CELF2: variants seen among roughly 807,000 people sequenced by gnomAD.
CELF2 encodes CUGBP Elav-like family member 2, also known as CUG triplet repeat RNA-binding protein 2.
A neutral mutation model predicts 62.6 loss-of-function variants in CELF2; 8 were observed. That is an observed-to-expected ratio of 0.13 (90% confidence interval 0.07 to 0.23). The LOEUF (loss-of-function observed/expected upper bound fraction) is 0.23, where lower values mean the gene tolerates loss of function less well. Ranked by LOEUF, CELF2 falls within the 10% of genes least tolerant of loss-of-function variation. CELF2 has a pLI of 1.00. For synonymous variants in CELF2, 258 were observed against 250.0 expected (o/e 1.03, Z -0.30); for missense variants, 333 against 671.0 (o/e 0.50, Z 5.56).
intron 9 of CELF2, among the ~76,000 whole-genome samples, chr10:11,304,516 T>A (rs2094044062): frequency 6.6e-6 from 1 of 152,208 alleles, no homozygotes; most frequent in African/African-American, 2.4e-5. Context: ...AGGGCCTTCT[T>A]GCTGGTGGGG....
the CELF2 span, among the ~76,000 whole-genome samples, chr10:10,695,502 G>A: frequency 2.0e-5 from 3 of 150,802 alleles, no homozygotes; most frequent in South Asian, 2.1e-4. Flanking sequence ...TGCTCTTCTC[G>A]AGGAGTATCT....
At chr10:10,752,891 G>A in the CELF2 span, among the ~76,000 whole-genome samples, 1 of 150,954 alleles carries the variant, frequency 6.6e-6, no homozygotes, top group Non-Finnish European at 1.5e-5. Context: ...CTAATCCCTG[G>A]TTCAGGAGAA....
upstream of CELF2, among the ~76,000 whole-genome samples, chr10:10,797,163 T>C (rs747006105): frequency 6.6e-6 from 1 of 152,156 alleles, no homozygotes; most frequent in Non-Finnish European, 1.5e-5. Flanking sequence ...TGGGAGCATC[T>C]TCCCCCCAGG....
At chr10:11,250,764 A>C (rs138487668) in intron 4 of CELF2, among the ~76,000 whole-genome samples, 60 of 152,312 alleles carry the variant, frequency 3.9e-4, no homozygotes, top group African/African-American at 1.3e-3. Context: ...GTCTCACCTA[A>C]GTTGCCTTCC....
chr10:11,033,000 C>T (rs2060365343), intron 1 of CELF2, among the ~76,000 whole-genome samples: 1 of 152,188 alleles, frequency 6.6e-6, no homozygotes, highest in African/African-American at 2.4e-5. Context: ...TAGGTATTAA[C>T]ATTCATGGAG....
Position 11,290,050 on chromosome 10 carries a change from G to T in CELF2, c.976+1498G>T, listed in dbSNP as rs955761229. Among the ~76,000 whole-genome samples, 1 of 152,160 alleles carries T rather than the reference G, an allele frequency of 6.6e-6. No homozygotes were observed. The highest frequency in any genetic ancestry group is 6.5e-5 in the Admixed American group (1 of 15,280). On this transcript the variant is annotated intron_variant, in intron 9 of 12. Coordinates refer to ENST00000633077, the MANE Select transcript of CELF2 (RefSeq NM_001326342.2). The surrounding 1 kb of genome is among the most constrained non-coding windows in gnomAD (Gnocchi z 4.3). ...TTGGAGCATCTTCAGTCCAAAGGAG[G>T]CTTGACAGTTTAAGAAGCCAAATGC...
At chr10:10,973,851 A>G (rs993343160) in intron 2 of CELF2, among the ~76,000 whole-genome samples, 1 of 152,142 alleles carries the variant, frequency 6.6e-6, no homozygotes, top group African/African-American at 2.4e-5. Flanking sequence ...TACAGGCATT[A>G]GCCACCCTGC....
upstream of CELF2, among the ~76,000 whole-genome samples, chr10:11,004,746 G>A (rs1009165747): frequency 6.6e-6 from 1 of 152,012 alleles, no homozygotes; most frequent in Non-Finnish European, 1.5e-5. This position sits in a 1 kb window ranked among gnomAD's most constrained non-coding sequence, Gnocchi z 5.0. Context: ...CCAAATCCTC[G>A]ATCTCTATGC....
Position 11,228,718 on chromosome 10 carries a change from C to CAAAAA in CELF2, c.354+11234_354+11238dup, listed in dbSNP as rs56167230. Among the ~76,000 whole-genome samples, 242 of 135,092 alleles carry CAAAAA rather than the reference C, an allele frequency of 1.8e-3. 6 individuals carry two copies. Among genetic ancestry groups the CAAAAA allele is most frequent in the African/African-American group, 6.5e-3 (225 of 34,784 alleles). 88.6% of individuals were successfully genotyped at this position (135,092 alleles called of 152,430 possible). On this transcript the variant is annotated intron_variant, in intron 3 of 12. Transcript: ENST00000633077. ...TCACAACCCCCACCCGCGCCCCTCG[C>CAAAAA]AAAAAAAAAAAAAAAAAAAAAAAAA...
the CELF2 span, among the ~76,000 whole-genome samples, chr10:10,510,814 T>C: frequency 6.6e-6 from 1 of 152,066 alleles, no homozygotes; most frequent in South Asian, 2.1e-4. Context: ...TGAGCAGAAA[T>C]CTAAATTTAA....
the CELF2 span, among the ~76,000 whole-genome samples, chr10:10,509,407 A>T: frequency 6.6e-6 from 1 of 152,184 alleles, no homozygotes; most frequent in African/African-American, 2.4e-5. Context: ...TATGAATGGG[A>T]TTAGTGCCCC....
chr10:11,149,272 T>C (rs2062854555), intron 1 of CELF2, among the ~76,000 whole-genome samples: 1 of 152,182 alleles, frequency 6.6e-6, no homozygotes, highest in Non-Finnish European at 1.5e-5. Context: ...GGTTTTGCCA[T>C]GTTGGCCAGA....
At chr10:10,810,865 T>C (rs1326505010) in intron 1 of CELF2, among the ~76,000 whole-genome samples, 4 of 152,140 alleles carry the variant, frequency 2.6e-5, no homozygotes, top group African/African-American at 9.7e-5. Context: ...GAAGTTCCTA[T>C]GGGATGGGCA....
At chr10:11,086,648 C>G (rs762689950) in intron 1 of CELF2, among the ~76,000 whole-genome samples, 1 of 133,706 alleles carries the variant, frequency 7.5e-6, no homozygotes, top group Non-Finnish European at 1.5e-5. Flanking sequence ...GAGAGATGCA[C>G]AGCCTGAGCA....
chr10:10,628,824 G>T, the CELF2 span, among the ~76,000 whole-genome samples: 1 of 151,956 alleles, frequency 6.6e-6, no homozygotes, highest in Non-Finnish European at 1.5e-5. Flanking sequence ...AGAACTTAAA[G>T]TATAATTTAA....
chr10:11,005,322 G>C lies in CELF2; in HGVS notation c.-66G>C. The C allele has an allele frequency of 6.2e-7, 1 of 1,611,156 alleles. No homozygotes were observed. Among genetic ancestry groups the C allele is most frequent in the Non-Finnish European group, 8.5e-7 (1 of 1,178,376 alleles). On this transcript the variant is annotated 5_prime_UTR_variant, in exon 1 of 13. Coordinates refer to the CELF2 transcript ENST00000416382. This position sits in a 1 kb window ranked among gnomAD's most constrained non-coding sequence, Gnocchi z 4.3. ...AGGAGAGGGCGCGTTAGTGAGCAGCGACTGTGGCATTGATGTTTGAGCATA... is the reference window on the plus strand; with the variant it reads ...AGGAGAGGGCGCGTTAGTGAGCAGCCACTGTGGCATTGATGTTTGAGCATA...
At chr10:11,245,039 C>T (rs371308435) in intron 3 of CELF2, among the ~76,000 whole-genome samples, 2 of 152,190 alleles carry the variant, frequency 1.3e-5, no homozygotes, top group African/African-American at 4.8e-5. Context: ...CCCTTCTCAT[C>T]CTCCTCTTCC....
In CELF2 at chr10:10,995,471, T is replaced by C. The variant is rs183266003; in HGVS notation, c.89+75472T>C. Among the ~76,000 whole-genome samples the C allele has an allele frequency of 4.5e-4, 69 of 152,260 alleles. No homozygotes were observed. The highest frequency in any genetic ancestry group is 9.3e-4 in the Non-Finnish European group (63 of 68,012). On this transcript the variant is annotated intron_variant, in intron 2 of 13. Coordinates refer to the CELF2 transcript ENST00000636488. This position sits in a 1 kb window ranked among gnomAD's most constrained non-coding sequence, Gnocchi z 4.7. ...GTGGGGATCACTGGAGAGTTTTGCA[T>C]TGGTGGAAAACAGCATGAACGAAAG...
chr10:10,501,755 A>G, the CELF2 span, among the ~76,000 whole-genome samples: 1 of 152,094 alleles, frequency 6.6e-6, no homozygotes, highest in Non-Finnish European at 1.5e-5. Flanking sequence ...TCTGATTTGC[A>G]TGACTTTATT....
Sources: allele counts gnomAD v4.1 joint callset (sites outside exome capture counted in the v4.1 genomes callset), GRCh38; gene constraint gnomAD v4.1.1; non-coding constraint Gnocchi (gnomAD v3.1); transcripts MANE v1.5; gene names NCBI Gene and HGNC (gene_info 2026-07-23, HGNC 2026-07-21).